Variants in EGF observed in about 807,000 individuals in gnomAD.
EGF encodes epidermal growth factor, also known as pro-epidermal growth factor.
EGF carries 95 observed loss-of-function variants against 143.8 expected under a neutral mutation model. The ratio of observed to expected loss-of-function variants is 0.66; its 90% confidence interval spans 0.56 to 0.78. The LOEUF (loss-of-function observed/expected upper bound fraction) is 0.78, where lower values mean the gene tolerates loss of function less well. EGF is among the 30% of genes least tolerant of loss of function. The pLI is 0.00. For synonymous variants in EGF, 510 were observed against 510.5 expected (o/e 1.00, Z 0.01); for missense variants, 1,320 against 1,470.9 (o/e 0.90, Z 1.68).
chr4:109,938,626 C>T (rs182502425), intron 1 of EGF, among the ~76,000 whole-genome samples: 17 of 152,286 alleles, frequency 1.1e-4, no homozygotes, highest in African/African-American at 3.9e-4. Flanking sequence ...AGCCTTTTTG[C>T]TCTGGTTTCT....
intron 1 of EGF, among the ~76,000 whole-genome samples, chr4:109,916,511 G>A (rs2298978): frequency 0.49 from 74,708 of 151,772 alleles, 19,770 homozygotes; most frequent in African/African-American, 0.69. Context: ...TCAGTATTGC[G>A]TTAATGTATT....
intron 20 of EGF, among the ~76,000 whole-genome samples, chr4:109,999,157 T>C (rs1752221375): frequency 6.6e-6 from 1 of 152,332 alleles, no homozygotes; most frequent in East Asian, 1.9e-4. Flanking sequence ...GTAGTGATTT[T>C]TTTTTTTAAA....
At chr4:109,959,151 C>T (rs181818208) in intron 5 of EGF, 161 bp from the exon 6 acceptor site, 28 of 1,112,058 alleles carry the variant, frequency 2.5e-5, no homozygotes, top group Middle Eastern at 2.1e-4. Flanking sequence ...AAGTGGGCTT[C>T]GGGATGCTGG....
chr4:109,943,428 G>A lies in EGF; in HGVS notation c.502G>A (p.Val168Ile). ...KYPANVAVDP[V>I]ERFIFWSSEV... ...TCCTGCAAATGTAGCAGTTGATCCA[G>A]TAGAAAGGTAAATTCTGCTGTATTC... is the stretch of plus-strand genomic sequence containing the variant. Residue 168 changes from valine to isoleucine, a missense_variant, in exon 3 of 24, where the codon GTA becomes ATA. By Grantham distance (29) the Val-to-Ile change is conservative (BLOSUM62 3). This residue lies in a region of EGF where 1,186 missense variants were observed against 1,313.7 expected (regional missense o/e 0.90). Transcript: ENST00000265171. 6.2e-7 allele frequency: 1 copy of A among 1,613,442 alleles called. No homozygotes were observed. The highest frequency in any genetic ancestry group is 8.5e-7 in the Non-Finnish European group (1 of 1,179,554).
chr4:109,984,918 C>A (rs948429114), intron 16 of EGF, among the ~76,000 whole-genome samples: 1 of 152,020 alleles, frequency 6.6e-6, no homozygotes, highest in African/African-American at 2.4e-5. Flanking sequence ...CTGGGGATAC[C>A]AAGATGAGCT....
At chr4:110,001,862 G>A (rs1216169462) in intron 21 of EGF, 1 of 985,380 alleles carries the variant, frequency 1.0e-6, no homozygotes, top group Non-Finnish European at 1.2e-6. Context: ...TGCATCCAGA[G>A]TTGTACAATT....
chr4:109,992,895 A>C (rs1368849780), intron 18 of EGF, among the ~76,000 whole-genome samples: 1 of 142,416 alleles, frequency 7.0e-6, no homozygotes, highest in African/African-American at 2.5e-5. Flanking sequence ...GGAATTGAAC[A>C]ATGAGAACAC....
Position 109,969,037 on chromosome 4 carries a change from A to G in EGF, c.1642A>G (p.Arg548Gly), listed in dbSNP as rs1356808196. The G allele has an allele frequency of 6.2e-7, 1 of 1,614,186 alleles. No individual in the cohort carries two copies. Among genetic ancestry groups the G allele is most frequent in the Admixed American group, 1.7e-5 (1 of 60,024 alleles). Residue 548 changes from arginine to glycine, a missense_variant, in exon 11 of 24, where the codon AGG becomes GGG. Arg to Gly is a moderately radical substitution (Grantham distance 125, BLOSUM62 -2). This residue lies in a region of EGF where 1,186 missense variants were observed against 1,313.7 expected (regional missense o/e 0.90). Transcript: ENST00000265171. ...RANMDGSQRE[R>G]LIEEGVDVPE... ...TAATATGGATGGTTCCCAGCGAGAAAGGCTTATTGAGGAAGGAGTAGATGT... is the reference window on the plus strand; with the variant it reads ...TAATATGGATGGTTCCCAGCGAGAAGGGCTTATTGAGGAAGGAGTAGATGT...
rs199600172 is a variant in EGF at position 109,943,971 on chromosome 4, G to A, written c.639G>A (p.Arg213=). 3 of 1,614,134 alleles carry A rather than the reference G, an allele frequency of 1.9e-6. No individual in the cohort carries two copies. Among genetic ancestry groups the A allele is most frequent in the Non-Finnish European group, 1.7e-6 (2 of 1,180,034 alleles). ...TGTCATTGGATGTGCTTGATAAGCGGCTGTTTTGGATTCAGTACAACAGAG... is the reference window on the plus strand; with the variant it reads ...TGTCATTGGATGTGCTTGATAAGCGACTGTTTTGGATTCAGTACAACAGAG... The part of the protein sequence containing the change: ...TAVSLDVLDK[R]LFWIQYNREG... The change falls in exon 4 of 24, where the codon CGG becomes CGA. Residue 213 remains arginine (R), a synonymous_variant. Transcript: ENST00000265171.
intron 21 of EGF, among the ~76,000 whole-genome samples, chr4:110,000,817 G>A (rs1752478249): frequency 6.6e-6 from 1 of 152,188 alleles, no homozygotes; most frequent in African/African-American, 2.4e-5. Context: ...AAACTTTAGG[G>A]CTGAAGGGGA....
At chr4:109,968,906 C>T in intron 10 of EGF, 65 bp from the exon 11 acceptor site, 1 of 1,606,026 alleles carries the variant, frequency 6.2e-7, no homozygotes, top group African/African-American at 1.3e-5. Flanking sequence ...AAGACTAGTG[C>T]CATTTGTATA....
At chr4:109,970,608 C>T (rs1233685039) in intron 11 of EGF, among the ~76,000 whole-genome samples, 2 of 151,968 alleles carry the variant, frequency 1.3e-5, no homozygotes, top group Non-Finnish European at 2.9e-5. Flanking sequence ...GGGCAGATCA[C>T]AAGGTCAGGA....
At chr4:109,992,080 G>A (rs2126146093) in intron 18 of EGF, among the ~76,000 whole-genome samples, 1 of 148,808 alleles carries the variant, frequency 6.7e-6, no homozygotes, top group Middle Eastern at 3.4e-3. Context: ...GGGTTGAGCT[G>A]GAAGAATTGC....
At chr4:109,945,528 G>A (rs576883235) in intron 5 of EGF, among the ~76,000 whole-genome samples, 1 of 152,222 alleles carries the variant, frequency 6.6e-6, no homozygotes, top group African/African-American at 2.4e-5. Flanking sequence ...CTTGAGGCCA[G>A]GAGTTTGAGA....
At position 109,960,890 on chromosome 4, in the gene EGF, A is replaced by G. The variant is rs775412469; in HGVS notation, c.1090A>G (p.Asn364Asp). Residue 364 changes from asparagine (N) to aspartate (D), a missense_variant, in exon 7 of 24, where the codon AAT becomes GAT. Transcript: ENST00000265171. ...CEDVNECAFW[N>D]HGCTLGCKNT... ...AGATGTTAATGAATGTGCTTTTTGGAATCATGGCTGTACTCTTGGGTGTAA... is the reference window on the plus strand; with the variant it reads ...AGATGTTAATGAATGTGCTTTTTGGGATCATGGCTGTACTCTTGGGTGTAA... 1.2e-6 allele frequency: 2 copies of G among 1,613,938 alleles called. No individual in the cohort carries two copies. The highest frequency in any genetic ancestry group is 2.2e-5 in the South Asian group (2 of 91,066).
intron 6 of EGF, among the ~76,000 whole-genome samples, chr4:109,959,977 T>A (rs1224361364): frequency 6.6e-6 from 1 of 152,132 alleles, no homozygotes; most frequent in African/African-American, 2.4e-5. Flanking sequence ...TGCAGTAGTT[T>A]AGTGATGAAA....
intron 22 of EGF, among the ~76,000 whole-genome samples, chr4:110,004,983 G>C (rs1011700615): frequency 6.9e-6 from 1 of 144,942 alleles, no homozygotes; most frequent in Admixed American, 6.8e-5. Flanking sequence ...ACCCAAGATT[G>C]TGCTTCTAAT....
intron 1 of EGF, among the ~76,000 whole-genome samples, chr4:109,913,936 G>T (rs1736143752): frequency 2.6e-5 from 4 of 152,196 alleles, no homozygotes; most frequent in Admixed American, 2.0e-4. Flanking sequence ...AACAAAGGTA[G>T]TTGTGAAAAT....
chr4:109,969,509 G>A (rs182491697), intron 11 of EGF, among the ~76,000 whole-genome samples: 244 of 152,150 alleles, frequency 1.6e-3, no homozygotes, highest in Non-Finnish European at 2.6e-3. Context: ...TGTAGATGAC[G>A]GGTTGATGGG....
Sources: allele counts gnomAD v4.1 joint callset (sites outside exome capture counted in the v4.1 genomes callset), GRCh38; gene constraint gnomAD v4.1.1; regional missense constraint gnomAD v4.1.1; transcripts MANE v1.5; gene names NCBI Gene and HGNC (gene_info 2026-07-23, HGNC 2026-07-21).